The following MAP2K2 variants were observed in gnomAD, a reference collection of about 807,000 sequenced individuals.
MAP2K2 encodes dual specificity mitogen-activated protein kinase kinase 2.
MAP2K2 carries 24 observed loss-of-function variants against 43.7 expected under a neutral mutation model. The ratio of observed to expected loss-of-function variants is 0.55; its 90% CI spans 0.40 to 0.77. The LOEUF (loss-of-function observed/expected upper bound fraction) is 0.77. Among genes scored for constraint, MAP2K2 ranks in the 30% least tolerant of loss-of-function variants. The pLI is 0.00. For missense variants in MAP2K2, 470 were observed against 566.8 expected (o/e 0.83, Z 1.73); for synonymous variants, 244 against 239.7 (o/e 1.02, Z -0.17).
Position 4,102,378 on chromosome 19 carries a change from C to T in MAP2K2, c.526G>A (p.Ala176Thr), listed in dbSNP as rs767381558. ...PEEILGKVSI[A>T]VLRGLAYLRE... ...ATGTGGGTCTGCGGTGGACTCACCGCGATGCTGACTTTCCCCAGGATCTCC... is the reference window on the plus strand; with the variant it reads ...ATGTGGGTCTGCGGTGGACTCACCGTGATGCTGACTTTCCCCAGGATCTCC... The change falls in exon 4 of 11, where the codon GCG becomes ACG. Residue 176 changes from alanine to threonine, a missense_variant and splice_region_variant. This residue lies in a region of MAP2K2 where 200 missense variants were observed against 297.9 expected (regional missense o/e 0.67). Transcript: ENST00000262948. The T allele has an allele frequency of 1.0e-5, 16 of 1,598,702 alleles. No individual in the cohort carries two copies. The highest frequency in any genetic ancestry group is 1.6e-4 in the Middle Eastern group (1 of 6,068).
Position 4,101,204 on chromosome 19 carries a change from C to T in MAP2K2, c.580+25G>A, listed in dbSNP as rs2041005006. On this transcript the variant is annotated intron_variant, in intron 5 of 10. Coordinates refer to ENST00000262948, the MANE Select transcript of MAP2K2 (RefSeq NM_030662.4). The surrounding 1 kb of genome is among the most constrained non-coding windows in gnomAD (Gnocchi z 6.3). ...CAGTTGCCTGCCGGCCCCCGGGGCT[C>T]TGGGGAGGGCGGGCTGGGCCTTACC... is the stretch of plus-strand genomic sequence containing the variant. 7.9e-7 allele frequency: 1 copy of T among 1,263,124 alleles called. No individual in the cohort carries two copies. Among genetic ancestry groups the T allele is most frequent in the Non-Finnish European group, 1.1e-6 (1 of 933,148 alleles). The allele number at this position is 1,263,124 out of a possible 1,614,324, so 78.2% of individuals were successfully genotyped here.
At chr19:4,111,048 A>G (rs1039358874) in intron 2 of MAP2K2, among the ~76,000 whole-genome samples, 1 of 152,192 alleles carries the variant, frequency 6.6e-6, no homozygotes, top group Non-Finnish European at 1.5e-5. Flanking sequence ...AAAAGGCCAC[A>G]TAATATGTGA....
chr19:4,108,037 G>A (rs2041108241), intron 3 of MAP2K2, among the ~76,000 whole-genome samples: 1 of 152,192 alleles, frequency 6.6e-6, no homozygotes, highest in African/African-American at 2.4e-5. Context: ...GCCTGGGAGG[G>A]AATGAATCAG....
intron 1 of MAP2K2, 104 bp from the exon 2 acceptor site, chr19:4,117,733 A>G: frequency 1.0e-6 from 1 of 1,000,160 alleles, no homozygotes; most frequent in Non-Finnish European, 1.6e-6. Context: ...CACAGACTGG[A>G]TTCCTGCACT....
intron 3 of MAP2K2, among the ~76,000 whole-genome samples, chr19:4,108,936 G>A (rs984377675): frequency 2.0e-5 from 3 of 152,272 alleles, no homozygotes; most frequent in Admixed American, 2.0e-4. Context: ...CTTTGATGCC[G>A]CCGGCAACGT....
At chr19:4,091,217 G>A (rs916114914) in intron 10 of MAP2K2, among the ~76,000 whole-genome samples, 10 of 152,354 alleles carry the variant, frequency 6.6e-5, no homozygotes, top group South Asian at 2.1e-4. Flanking sequence ...ACAGAACTCC[G>A]CGAAGAGCAT....
chr19:4,090,702 T>G lies in MAP2K2; in HGVS notation c.1099A>C (p.Thr367Pro). 6.4e-7 allele frequency: 1 copy of G among 1,555,798 alleles called. No homozygotes were observed. Reference protein sequence around the residue: ...RADLKMLTNHTFIKRSEVEEV... With the variant: ...RADLKMLTNHPFIKRSEVEEV... ...TCCACCTCGGACCGCTTGATGAAGGTGTGGTTCTGCAAGGAAAGGGGAGCC... is the reference window on the plus strand; with the variant it reads ...TCCACCTCGGACCGCTTGATGAAGGGGTGGTTCTGCAAGGAAAGGGGAGCC... The change falls in exon 11 of 11, where the codon ACC becomes CCC. Residue 367 changes from threonine to proline, a missense_variant. By Grantham distance (38) the Thr-to-Pro change is conservative. Coordinates refer to ENST00000262948, the MANE Select transcript of MAP2K2 (RefSeq NM_030662.4).
At chr19:4,123,554 C>CCCCCTGCCCCGTCCTCCCCCGAGAGT (rs2041328295) in intron 1 of MAP2K2, among the ~76,000 whole-genome samples, 2 of 56,886 alleles carry the variant, frequency 3.5e-5, no homozygotes, top group South Asian at 1.1e-3. Context: ...CCTCCGAGGG[C>CCCCCTGCCCCGTCCTCCCCCGAGAGT]CCCCTGCCCC....
At chr19:4,111,694 C>A (rs951459025) in intron 2 of MAP2K2, among the ~76,000 whole-genome samples, 1 of 152,232 alleles carries the variant, frequency 6.6e-6, no homozygotes, top group Non-Finnish European at 1.5e-5. Flanking sequence ...GTGGCTCACG[C>A]CTGTAATCCC....
Position 4,091,089 on chromosome 19 carries a change from G to A in MAP2K2, c.1093-381C>T, listed in dbSNP as rs1049607242. On this transcript the variant is annotated intron_variant, in intron 10 of 10. Transcript: ENST00000262948. ...TGGGTACTGCAGGGTACTGAGCAGCGTCCCTGGCCTCCACCCACTCCATGC... is the reference window on the plus strand; with the variant it reads ...TGGGTACTGCAGGGTACTGAGCAGCATCCCTGGCCTCCACCCACTCCATGC... 8.5e-5 allele frequency among the ~76,000 whole-genome samples: 13 copies of A among 152,310 alleles called. No homozygotes were observed. The East Asian group carries it at 2.5e-3, about 29-fold the overall frequency.
chr19:4,101,121 G>A lies in MAP2K2; in HGVS notation c.603C>T (p.Leu201=), dbSNP rs148291450. The change falls in exon 6 of 11, where the codon CTC becomes CTT. Residue 201 remains leucine (L), a synonymous_variant. Transcript: ENST00000262948. This position sits in a 1 kb window ranked among gnomAD's most constrained non-coding sequence, Gnocchi z 6.3. ...GCTTGATCTCCCCTCTAGAGTTCACGAGGATGTTGGAGGGCTTCACATCTG... is the reference window on the plus strand; with the variant it reads ...GCTTGATCTCCCCTCTAGAGTTCACAAGGATGTTGGAGGGCTTCACATCTG... ...MHRDVKPSNI[L]VNSRGEIKLC... The A allele has an allele frequency of 1.7e-4, 266 of 1,608,086 alleles. No individual in the cohort carries two copies. In the African/African-American group the frequency reaches 2.2e-3, roughly 13 times the overall value.
At chr19:4,118,277 C>T (rs1396719547) in intron 1 of MAP2K2, among the ~76,000 whole-genome samples, 4 of 152,116 alleles carry the variant, frequency 2.6e-5, no homozygotes, top group African/African-American at 7.2e-5. Context: ...CGGACCATGT[C>T]GGGAGGAGAC....
At position 4,102,376 on chromosome 19, in the gene MAP2K2, C is replaced by T. The variant is rs767939999; in HGVS notation, c.528G>A (p.Ala176=). Residue 176 remains alanine, a splice_region_variant and synonymous_variant, in exon 4 of 11, where the codon GCG becomes GCA. Transcript: ENST00000262948. Reference sequence around the variant, plus strand: ...CGATGTGGGTCTGCGGTGGACTCACCGCGATGCTGACTTTCCCCAGGATCT... The same window carrying T: ...CGATGTGGGTCTGCGGTGGACTCACTGCGATGCTGACTTTCCCCAGGATCT... ...PEEILGKVSI[A]VLRGLAYLRE... is the part of the protein sequence containing the mutation. The T allele has an allele frequency of 2.0e-5, 32 of 1,597,168 alleles. No individual in the cohort carries two copies. The highest frequency in any genetic ancestry group is 2.3e-5 in the Non-Finnish European group (27 of 1,173,384).
chr19:4,101,414 A>G lies in MAP2K2; in HGVS notation c.529-134T>C. On this transcript the variant is annotated intron_variant, in intron 4 of 10. Transcript: ENST00000262948. This position sits in a 1 kb window ranked among gnomAD's most constrained non-coding sequence, Gnocchi z 6.3. ...GCAGGAACCATTTCAGGCTGTGAGGAGCTCGCTGGGGTGGAGCAAGCGAGG... is the reference window on the plus strand; with the variant it reads ...GCAGGAACCATTTCAGGCTGTGAGGGGCTCGCTGGGGTGGAGCAAGCGAGG... 5 of 985,610 alleles carry G rather than the reference A, an allele frequency of 5.1e-6. 1 individual carries two copies. The South Asian group carries it at 6.9e-5, about 14-fold the overall frequency. The allele number at this position is 985,610 out of a possible 1,614,324, so 61.1% of individuals were successfully genotyped here.
At chr19:4,120,672 T>C (rs1234837731) in intron 1 of MAP2K2, among the ~76,000 whole-genome samples, 2 of 152,204 alleles carry the variant, frequency 1.3e-5, no homozygotes, top group Non-Finnish European at 2.9e-5. Flanking sequence ...GCTCAAAACA[T>C]TGAAAATGCA....
intron 2 of MAP2K2, among the ~76,000 whole-genome samples, chr19:4,116,511 T>C (rs542203398): frequency 1.3e-5 from 2 of 149,332 alleles, no homozygotes; most frequent in South Asian, 4.3e-4. Context: ...GCCAATTCCT[T>C]AGAATAAATC....
chr19:4,117,061 A>G (rs2041230013), intron 2 of MAP2K2, among the ~76,000 whole-genome samples: 2 of 152,214 alleles, frequency 1.3e-5, no homozygotes, highest in African/African-American at 2.4e-5. Flanking sequence ...GGCTGTACAC[A>G]TAGGCGCAAA....
rs768671207 is a variant in MAP2K2, at chr19:4,115,180, T to A, written c.303+2239A>T. Among the ~76,000 whole-genome samples, 1 of 152,096 alleles carries A rather than the reference T, an allele frequency of 6.6e-6. No individual in the cohort carries two copies. Among genetic ancestry groups the A allele is most frequent in the Admixed American group, 6.6e-5 (1 of 15,256 alleles). On this transcript the variant is annotated intron_variant, in intron 2 of 10. Transcript: ENST00000262948. The surrounding 1 kb of genome is among the most constrained non-coding windows in gnomAD (Gnocchi z 4.1). ...CCCCCAAGATGACTGACATCTTACA[T>A]GACGGAAGGACAGTACTGACACCCA...
At chr19:4,110,995 G>C (rs1704063232) in intron 2 of MAP2K2, among the ~76,000 whole-genome samples, 1 of 152,186 alleles carries the variant, frequency 6.6e-6, no homozygotes. Flanking sequence ...CACAGCGTGG[G>C]TGAACCCTGA....
Sources: gnomAD v4.1 joint callset for allele counts (sites outside exome capture counted in the v4.1 genomes callset) on GRCh38, gnomAD v4.1.1 for gene constraint, gnomAD v4.1.1 regional missense constraint, Gnocchi (gnomAD v3.1) non-coding constraint, MANE v1.5 for transcripts, NCBI Gene and HGNC (gene_info 2026-07-23, HGNC 2026-07-21) for gene names.